SAMMSON: variants seen among roughly 807,000 people sequenced by gnomAD.
SAMMSON encodes the protein survival associated mitochondrial melanoma specific oncogenic non-coding RNA, also known as long intergenic non-protein coding RNA 1212.
chr3:70,113,161 G>A (rs1445644728), intron 4 of SAMMSON, among the ~76,000 whole-genome samples: 1 of 151,994 alleles, frequency 6.6e-6, no homozygotes, highest in Non-Finnish European at 1.5e-5. Flanking sequence ...ACAGCATATG[G>A]TATAGTTATT....
intron 4 of SAMMSON, among the ~76,000 whole-genome samples, chr3:70,092,894 G>C (rs2067309740): frequency 7.7e-6 from 1 of 130,612 alleles, no homozygotes; most frequent in Admixed American, 8.8e-5. Flanking sequence ...GTGTTGTCTA[G>C]TGTTTTTGTT....
intron 4 of SAMMSON, among the ~76,000 whole-genome samples, chr3:70,240,714 G>A (rs1701659332): frequency 6.6e-6 from 1 of 152,024 alleles, no homozygotes; most frequent in African/African-American, 2.4e-5. Context: ...GCTAAACATG[G>A]TGCATTTCAG....
intron 3 of SAMMSON, among the ~76,000 whole-genome samples, chr3:70,037,557 G>A (rs1374467521): frequency 6.6e-6 from 1 of 152,152 alleles, no homozygotes; most frequent in Non-Finnish European, 1.5e-5. Flanking sequence ...CAAATCTGGT[G>A]ATATTATCTC....
At chr3:70,163,910 A>G in intron 4 of SAMMSON, among the ~76,000 whole-genome samples, 1 of 152,062 alleles carries the variant, frequency 6.6e-6, no homozygotes, top group East Asian at 1.9e-4. Context: ...CAAAGCACAG[A>G]TATGAAAGTT....
At chr3:70,291,833 G>A (rs1702242351) in intron 7 of SAMMSON, 1 of 152,172 alleles carries the variant, frequency 6.6e-6, no homozygotes, top group African/African-American at 2.4e-5. Context: ...CTTTCAAGAT[G>A]TGCTGTCTGG....
chr3:70,155,053 T>A (rs1420351559), intron 4 of SAMMSON, among the ~76,000 whole-genome samples: 3 of 151,892 alleles, frequency 2.0e-5, no homozygotes, highest in Non-Finnish European at 4.4e-5. Context: ...TGTTTAGTGG[T>A]CAGATAGTTC....
At chr3:70,098,830 T>A (rs564436905) in intron 4 of SAMMSON, among the ~76,000 whole-genome samples, 31 of 152,290 alleles carry the variant, frequency 2.0e-4, no homozygotes, top group African/African-American at 7.5e-4. Context: ...AAAAAACCCT[T>A]CTCTTAAAGT....
chr3:70,059,414 C>T (rs955922660), intron 3 of SAMMSON, among the ~76,000 whole-genome samples: 1 of 152,016 alleles, frequency 6.6e-6, no homozygotes, highest in African/African-American at 2.4e-5. Flanking sequence ...GATCTGCCAT[C>T]TGCAAGATGA....
chr3:70,353,617 G>T (rs1702809846), intron 7 of SAMMSON, among the ~76,000 whole-genome samples: 1 of 152,124 alleles, frequency 6.6e-6, no homozygotes, highest in Admixed American at 6.5e-5. Context: ...GCCATATGTT[G>T]CTGATGAGAA....
At chr3:70,009,274 T>G (rs1190580306) in intron 1 of SAMMSON, 1 of 147,036 alleles carries the variant, frequency 6.8e-6, no homozygotes, top group Non-Finnish European at 1.5e-5. Flanking sequence ...GGTCCTGGAC[T>G]TTTTTTGGTT....
intron 4 of SAMMSON, chr3:70,184,079 A>T (rs966595757): frequency 2.0e-5 from 3 of 152,224 alleles, no homozygotes; most frequent in Admixed American, 6.5e-5. Flanking sequence ...GGTTTGGGTC[A>T]TTTGATTTTC....
intron 7 of SAMMSON, among the ~76,000 whole-genome samples, chr3:70,331,279 C>G (rs1702619584): frequency 6.6e-6 from 1 of 152,116 alleles, no homozygotes. Flanking sequence ...CTGGCCCAGT[C>G]AAAACTTCGT....
chr3:70,026,386 C>T (rs1042508262), intron 3 of SAMMSON, among the ~76,000 whole-genome samples: 1 of 151,594 alleles, frequency 6.6e-6, no homozygotes, highest in African/African-American at 2.4e-5. Context: ...CTACTTTTTC[C>T]TCTGTTTCAG....
intron 3 of SAMMSON, among the ~76,000 whole-genome samples, chr3:70,041,111 C>T (rs2067104869): frequency 6.6e-6 from 1 of 152,030 alleles, no homozygotes; most frequent in African/African-American, 2.4e-5. Flanking sequence ...TTGCATGGGG[C>T]TTCTTCTAAC....
chr3:70,226,882 G>A (rs753631451), intron 4 of SAMMSON, among the ~76,000 whole-genome samples: 5 of 152,136 alleles, frequency 3.3e-5, no homozygotes, highest in Non-Finnish European at 5.9e-5. Flanking sequence ...GATGGAAAAG[G>A]AGAGAAGAGG....
intron 7 of SAMMSON, among the ~76,000 whole-genome samples, chr3:70,291,572 T>G (rs1481981979): frequency 6.6e-6 from 1 of 152,160 alleles, no homozygotes; most frequent in Non-Finnish European, 1.5e-5. Flanking sequence ...AGGGACAATA[T>G]GTTAATACTT....
intron 8 of SAMMSON, among the ~76,000 whole-genome samples, chr3:70,357,800 AT>A (rs1462880907): frequency 6.6e-6 from 1 of 152,210 alleles, no homozygotes; most frequent in Non-Finnish European, 1.5e-5. Context: ...CACATAAGTG[AT>A]TCATATGACA....
At chr3:70,258,123 A>T (rs1038860688) in intron 6 of SAMMSON, among the ~76,000 whole-genome samples, 1 of 152,190 alleles carries the variant, frequency 6.6e-6, no homozygotes, top group African/African-American at 2.4e-5. Context: ...CACATCATAG[A>T]CAAAAAAATT....
At chr3:70,222,553 T>C (rs1482960235) in intron 4 of SAMMSON, among the ~76,000 whole-genome samples, 3 of 152,176 alleles carry the variant, frequency 2.0e-5, no homozygotes, top group Non-Finnish European at 4.4e-5. Context: ...TTAAATTGAA[T>C]TCCAAATAAA....
Sources: gnomAD v4.1 joint callset for allele counts (sites outside exome capture counted in the v4.1 genomes callset) on GRCh38, gnomAD v4.1.1 for gene constraint, MANE v1.5 for transcripts, NCBI Gene and HGNC (gene_info 2026-07-23, HGNC 2026-07-21) for gene names.